The following HS3ST4 variants were observed in gnomAD, a reference collection of about 807,000 sequenced individuals.
HS3ST4 encodes heparan sulfate-glucosamine 3-sulfotransferase 4.
A neutral mutation model predicts 29.2 loss-of-function variants in HS3ST4; 17 were observed. The ratio of observed to expected loss-of-function variants is 0.58; its 90% confidence interval spans 0.40 to 0.87. HS3ST4 has a LOEUF of 0.87. Ranked by LOEUF, HS3ST4 falls within the 40% of genes least tolerant of loss-of-function variation. The probability of loss-of-function intolerance (pLI) is 0.00; values close to 1 mark genes in which losing one functional copy is unlikely to be tolerated. For synonymous variants in HS3ST4, 314 were observed against 285.7 expected, an observed-to-expected ratio of 1.10 and a Z score of -1.00; for missense variants, 627 against 634.5, an observed-to-expected ratio of 0.99 and a Z score of 0.13.
intron 1 of HS3ST4, among the ~76,000 whole-genome samples, chr16:25,834,666 C>A (rs554967367): frequency 6.6e-6 from 1 of 152,174 alleles, no homozygotes; most frequent in African/African-American, 2.4e-5. Context: ...GAGGAGAAGG[C>A]CAGGCGTGGT....
At chr16:25,941,051 T>A (rs1968566705) in intron 1 of HS3ST4, among the ~76,000 whole-genome samples, 1 of 152,210 alleles carries the variant, frequency 6.6e-6, no homozygotes, top group African/African-American at 2.4e-5. Flanking sequence ...AAGTCTCATC[T>A]CAGCTGTTAA....
chr16:25,875,671 TC>T (rs997483563), intron 1 of HS3ST4, among the ~76,000 whole-genome samples: 2 of 152,128 alleles, frequency 1.3e-5, no homozygotes, highest in Non-Finnish European at 2.9e-5. Context: ...CAATTCTGTT[TC>T]CCACCCTTAG....
rs947691924 is a variant in HS3ST4 at position 26,075,246 on chromosome 16, A to G, written c.735-60366A>G. 4.6e-5 allele frequency among the ~76,000 whole-genome samples: 7 copies of G among 151,958 alleles called. No homozygotes were observed. The East Asian group carries it at 1.2e-3, about 25-fold the overall frequency. On this transcript the variant is annotated intron_variant, in intron 1 of 1. Transcript: ENST00000331351. ...AAGTTGAGAAAACTCTTCCAGACCA[A>G]CCCTTTTCCTGAGTCTCTCCTGCAA... is the stretch of plus-strand genomic sequence containing the variant.
At chr16:25,871,115 G>A (rs1567260586) in intron 1 of HS3ST4, among the ~76,000 whole-genome samples, 2 of 152,184 alleles carry the variant, frequency 1.3e-5, no homozygotes, top group Non-Finnish European at 2.9e-5. Flanking sequence ...AATACAGGAT[G>A]AGACATACAA....
intron 1 of HS3ST4, among the ~76,000 whole-genome samples, chr16:25,890,052 G>A (rs1394756148): frequency 2.6e-5 from 4 of 152,046 alleles, no homozygotes; most frequent in Non-Finnish European, 2.9e-5. Context: ...GTGTGTCTTC[G>A]TTAGCAGCAT....
chr16:25,903,273 C>CGT (rs71385584), intron 1 of HS3ST4, among the ~76,000 whole-genome samples: 4,147 of 58,372 alleles, frequency 0.071, 134 homozygotes, highest in Non-Finnish European at 0.11. Context: ...GAAGAATATA[C>CGT]GTGTGTGTGT....
intron 1 of HS3ST4, among the ~76,000 whole-genome samples, chr16:25,708,457 T>C (rs1205631823): frequency 2.0e-5 from 3 of 152,234 alleles, no homozygotes; most frequent in Admixed American, 2.0e-4. Flanking sequence ...TGTTCAGATA[T>C]AGAAAAAATC....
chr16:25,758,623 C>T (rs556210655), intron 1 of HS3ST4, among the ~76,000 whole-genome samples: 1 of 152,142 alleles, frequency 6.6e-6, no homozygotes, highest in Non-Finnish European at 1.5e-5. Flanking sequence ...GCACCACAGC[C>T]ACCTATGCTG....
At chr16:25,965,224 T>A (rs575449986) in intron 1 of HS3ST4, among the ~76,000 whole-genome samples, 46 of 152,066 alleles carry the variant, frequency 3.0e-4, no homozygotes, top group African/African-American at 1.1e-3. Context: ...GAGTGGAACA[T>A]TGGCCTCAGC....
chr16:26,051,903 TCCC>T (rs1898352025), intron 1 of HS3ST4, among the ~76,000 whole-genome samples: 4 of 50,796 alleles, frequency 7.9e-5, no homozygotes, highest in African/African-American at 1.4e-4. Context: ...CCTCCCTCCC[TCCC>T]TCCCTCCCTT....
rs569430713 is a variant in HS3ST4, at chr16:26,040,342, T to A, written c.735-95270T>A. Among the ~76,000 whole-genome samples, 5 of 151,680 alleles carry A rather than the reference T, an allele frequency of 3.3e-5. No homozygotes were observed. The South Asian group carries it at 1.0e-3, about 32-fold the overall frequency. Reference sequence around the variant, plus strand: ...ACGGAGTTTCACTCTTGTCTCTTGTTGCCCAGGCTGGAGCGCAGTGGCATG... The same window carrying A: ...ACGGAGTTTCACTCTTGTCTCTTGTAGCCCAGGCTGGAGCGCAGTGGCATG... On this transcript the variant is annotated intron_variant, in intron 1 of 1. Coordinates refer to ENST00000331351, the MANE Select transcript of HS3ST4 (RefSeq NM_006040.3).
At chr16:25,853,622 T>G (rs549849802) in intron 1 of HS3ST4, among the ~76,000 whole-genome samples, 20 of 152,166 alleles carry the variant, frequency 1.3e-4, no homozygotes, top group Admixed American at 8.5e-4. Flanking sequence ...GGATGTAGAG[T>G]TTTATGCAAT....
At chr16:25,963,646 T>C (rs1340756157) in intron 1 of HS3ST4, among the ~76,000 whole-genome samples, 4 of 152,258 alleles carry the variant, frequency 2.6e-5, no homozygotes, top group South Asian at 4.1e-4. Context: ...ACTCTCATCA[T>C]CAAATAATTT....
intron 1 of HS3ST4, among the ~76,000 whole-genome samples, chr16:26,084,782 T>A (rs963022842): frequency 6.6e-6 from 1 of 151,996 alleles, no homozygotes; most frequent in Non-Finnish European, 1.5e-5. Context: ...TTTTTTTTAA[T>A]TTTATTTTGT....
chr16:25,739,767 C>T (rs937571973), intron 1 of HS3ST4, among the ~76,000 whole-genome samples: 5 of 152,162 alleles, frequency 3.3e-5, no homozygotes, highest in African/African-American at 1.2e-4. Flanking sequence ...TGAAAGATGT[C>T]CTTTCCACTT....
chr16:25,852,611 A>G lies in HS3ST4; in HGVS notation c.734+159460A>G, dbSNP rs192630846. On this transcript the variant is annotated intron_variant, in intron 1 of 1. Transcript: ENST00000331351. ...AAAGCTCTTTATAAGAGCTCTCGAT[A>G]CATTCTGGATTTCAATCCTATTTCT... Among the ~76,000 whole-genome samples the G allele has an allele frequency of 4.4e-3, 666 of 151,352 alleles. 1 individual carries two copies. The highest frequency in any genetic ancestry group is 8.2e-3 in the Non-Finnish European group (558 of 67,878).
At chr16:25,860,535 A>G (rs1353388291) in intron 1 of HS3ST4, among the ~76,000 whole-genome samples, 1 of 152,202 alleles carries the variant, frequency 6.6e-6, no homozygotes, top group African/African-American at 2.4e-5. Flanking sequence ...ACTATTATTC[A>G]GTGCTGAAAA....
rs554169337 is a variant in HS3ST4 at position 25,999,897 on chromosome 16, T to TA, written c.735-135715_735-135714insA. 3.5e-3 allele frequency among the ~76,000 whole-genome samples: 465 copies of TA among 131,788 alleles called. 4 individuals carry two copies. Among genetic ancestry groups the TA allele is most frequent in the Admixed American group, 5.1e-3 (59 of 11,602 alleles). 86.5% of individuals were successfully genotyped at this position (131,788 alleles called of 152,430 possible). A position where few individuals can be genotyped will look rare whatever the true frequency, so the allele number is the denominator to read the frequency against. The stretch of plus-strand genomic sequence containing the variant: ...TTTATATATATTATATATATATATT[T>TA]TATATATATATATATATCTGTTTTT... On this transcript the variant is annotated intron_variant, in intron 1 of 1. Transcript: ENST00000331351.
chr16:25,913,330 GA>G (rs1968258594), intron 1 of HS3ST4, among the ~76,000 whole-genome samples: 2 of 152,242 alleles, frequency 1.3e-5, no homozygotes, highest in East Asian at 3.9e-4. Context: ...GAGCCCCCAT[GA>G]ATGGGATTCG....
Sources: allele counts gnomAD v4.1 joint callset (sites outside exome capture counted in the v4.1 genomes callset), GRCh38; gene constraint gnomAD v4.1.1; transcripts MANE v1.5; gene names NCBI Gene and HGNC (gene_info 2026-07-23, HGNC 2026-07-21).